Variants in SND1 observed in about 807,000 individuals in gnomAD.
The protein encoded by SND1 is staphylococcal nuclease domain-containing protein 1.
A neutral mutation model predicts 121.7 loss-of-function variants in SND1; 38 were observed. The ratio of observed to expected loss-of-function variants is 0.31; its 90% CI spans 0.24 to 0.41. The LOEUF (loss-of-function observed/expected upper bound fraction) is 0.41. Ranked by LOEUF, SND1 falls within the 10% of genes least tolerant of loss-of-function variation. The pLI is 1.00. For missense variants in SND1, 868 were observed against 1,184.6 expected, an observed-to-expected ratio of 0.73 and a Z score of 3.92; for synonymous variants, 401 against 447.4, an observed-to-expected ratio of 0.90 and a Z score of 1.31.
At chr7:127,674,819 T>C (rs1562974406) in intron 1 of SND1, among the ~76,000 whole-genome samples, 2 of 152,270 alleles carry the variant, frequency 1.3e-5, no homozygotes, top group Non-Finnish European at 2.9e-5. Flanking sequence ...CCAAATTTAA[T>C]GTGCTTTTCG....
chr7:128,053,817 C>A (rs914186309), intron 16 of SND1, among the ~76,000 whole-genome samples: 9 of 152,154 alleles, frequency 5.9e-5, no homozygotes, highest in Admixed American at 1.3e-4. Flanking sequence ...ATACACTAGC[C>A]AGAATCAGCC....
chr7:127,871,702 T>C (rs1799590504), intron 12 of SND1, among the ~76,000 whole-genome samples: 1 of 152,216 alleles, frequency 6.6e-6, no homozygotes, highest in African/African-American at 2.4e-5. Flanking sequence ...GTATGCTTAA[T>C]GCTCATTGAA....
chr7:128,040,978 C>G (rs1357765906), intron 16 of SND1, among the ~76,000 whole-genome samples: 1 of 152,198 alleles, frequency 6.6e-6, no homozygotes, highest in African/African-American at 2.4e-5. Flanking sequence ...GGCCTAGTAA[C>G]GTGAGTTCCT....
chr7:128,007,827 C>G (rs1467833255), intron 16 of SND1, among the ~76,000 whole-genome samples: 1 of 152,168 alleles, frequency 6.6e-6, no homozygotes, highest in Admixed American at 6.5e-5. Context: ...AGGACTTGAG[C>G]ATACAGCCTT....
chr7:127,755,577 A>C, intron 10 of SND1, among the ~76,000 whole-genome samples: 1 of 152,236 alleles, frequency 6.6e-6, no homozygotes, highest in Admixed American at 6.5e-5. Flanking sequence ...GTGCTTTGGC[A>C]TTTGGGAGTG....
At chr7:127,876,234 G>T (rs981163615) in intron 12 of SND1, among the ~76,000 whole-genome samples, 31 of 151,996 alleles carry the variant, frequency 2.0e-4, no homozygotes, top group African/African-American at 7.5e-4. Flanking sequence ...TGGTGGTTGT[G>T]GTGTGTTTAA....
chr7:127,797,300 A>G (rs1798046347), intron 10 of SND1, among the ~76,000 whole-genome samples: 1 of 152,148 alleles, frequency 6.6e-6, no homozygotes, highest in East Asian at 1.9e-4. Context: ...GATCAGCATC[A>G]AGCTGCCTGC....
At chr7:128,070,543 T>TG (rs1793393009) in intron 16 of SND1, among the ~76,000 whole-genome samples, 1 of 152,324 alleles carries the variant, frequency 6.6e-6, no homozygotes, top group South Asian at 2.1e-4. Flanking sequence ...CACTCCAAGA[T>TG]GCCCAAGAGA....
At chr7:127,789,450 AT>A (rs962469345) in intron 10 of SND1, among the ~76,000 whole-genome samples, 5 of 152,186 alleles carry the variant, frequency 3.3e-5, no homozygotes, top group African/African-American at 7.2e-5. Flanking sequence ...AAATAATTGA[AT>A]TTTTTTATAG....
intron 10 of SND1, among the ~76,000 whole-genome samples, chr7:127,790,007 AG>A (rs1273581655): frequency 6.6e-6 from 1 of 152,196 alleles, no homozygotes; most frequent in African/African-American, 2.4e-5. Context: ...GTAGATTGTT[AG>A]GCTGGTGGTT....
intron 14 of SND1, among the ~76,000 whole-genome samples, chr7:127,921,218 G>A (rs547932959): frequency 5.3e-5 from 8 of 152,272 alleles, no homozygotes; most frequent in African/African-American, 1.9e-4. Context: ...TATGGCCTGT[G>A]AGGATGACCT....
chr7:128,030,259 G>A, intron 16 of SND1: 1 of 1,614,210 alleles, frequency 6.2e-7, no homozygotes, highest in Non-Finnish European at 8.5e-7. Context: ...AACAGCTCCA[G>A]GGTGTTGAGG....
intron 9 of SND1, among the ~76,000 whole-genome samples, chr7:127,713,033 C>T (rs1249123860): frequency 1.3e-5 from 2 of 152,198 alleles, no homozygotes; most frequent in African/African-American, 4.8e-5. Context: ...CAGTATATAC[C>T]ACTAAGTGTG....
At chr7:127,931,959 C>G (rs2116823606) in intron 15 of SND1, among the ~76,000 whole-genome samples, 1 of 152,264 alleles carries the variant, frequency 6.6e-6, no homozygotes, top group African/African-American at 2.4e-5. Flanking sequence ...AGCTGGTCAC[C>G]CAAGAGCTCT....
intron 10 of SND1, among the ~76,000 whole-genome samples, chr7:127,800,237 A>T (rs1798102521): frequency 6.6e-6 from 1 of 152,146 alleles, no homozygotes; most frequent in African/African-American, 2.4e-5. Flanking sequence ...TTGAAATCTT[A>T]CCCATTTTAA....
intron 16 of SND1, among the ~76,000 whole-genome samples, chr7:128,072,368 C>G (rs1445486398): frequency 6.6e-6 from 1 of 152,164 alleles, no homozygotes; most frequent in Non-Finnish European, 1.5e-5. Context: ...GGACACTTGG[C>G]TACTAAAATT....
At chr7:128,091,923 AG>A in intron 23 of SND1, 42 bp downstream of exon 23, 1 of 1,613,902 alleles carries the variant, frequency 6.2e-7, no homozygotes. Context: ...TACCGAGTTG[AG>A]GGGTTTGGCC....
Position 127,922,175 on chromosome 7 carries a change from C to CTTT in SND1, c.1528-6987_1528-6985dup, listed in dbSNP as rs1158535023. Among the ~76,000 whole-genome samples, 399 of 57,138 alleles carry CTTT rather than the reference C, an allele frequency of 7.0e-3. 31 individuals are homozygous for CTTT. The highest frequency in any genetic ancestry group is 0.018 in the South Asian group (26 of 1,424). The allele number at this position is 57,138 out of a possible 152,430, so 37.5% of individuals were successfully genotyped here. On this transcript the variant is annotated intron_variant, in intron 14 of 23. Coordinates refer to ENST00000354725, the MANE Select transcript of SND1 (RefSeq NM_014390.4). ...CCAGCTGATTTTCTTTTTTTCTTTC[C>CTTT]TTTTTTTTTTTTTTTTTTTTTTTTT... is the stretch of plus-strand genomic sequence containing the variant.
At chr7:128,076,248 G>A (rs776547225) in intron 17 of SND1, among the ~76,000 whole-genome samples, 13 of 152,316 alleles carry the variant, frequency 8.5e-5, no homozygotes, top group Non-Finnish European at 1.5e-4. Context: ...ACTCAGCATC[G>A]TTATTTACTG....
Sources: gnomAD v4.1 joint callset for allele counts (sites outside exome capture counted in the v4.1 genomes callset) on GRCh38, gnomAD v4.1.1 for gene constraint, MANE v1.5 for transcripts, NCBI Gene and HGNC (gene_info 2026-07-23, HGNC 2026-07-21) for gene names.